The following DHRSX variants were observed in gnomAD, a reference collection of about 807,000 sequenced individuals.
The protein encoded by DHRSX is polyprenol dehydrogenase.
A neutral mutation model predicts 34.0 loss-of-function variants in DHRSX; 31 were observed. The ratio of observed to expected loss-of-function variants is 0.91; its 90% confidence interval spans 0.69 to 1.23. DHRSX has a LOEUF of 1.23. DHRSX is among the 50% of genes most tolerant of loss of function. DHRSX has a pLI of 0.00. For synonymous variants in DHRSX, 201 were observed against 183.8 expected, an observed-to-expected ratio of 1.09 and a Z score of -0.76; for missense variants, 414 against 428.1, an observed-to-expected ratio of 0.97 and a Z score of 0.29.
intron 3 of DHRSX, among the ~76,000 whole-genome samples, chrX:2,367,029 C>A (rs2043001697): frequency 6.6e-6 from 1 of 152,074 alleles, no homozygotes; most frequent in South Asian, 2.1e-4. Flanking sequence ...CGAACACCAG[C>A]CATTCCCCAG....
chrX:2,304,269 G>T (rs750476809), intron 3 of DHRSX, among the ~76,000 whole-genome samples: 2 of 81,904 alleles, frequency 2.4e-5, no homozygotes, highest in African/African-American at 5.3e-5. Context: ...GGGTGGGTGG[G>T]TGGATGGATG....
intron 3 of DHRSX, among the ~76,000 whole-genome samples, chrX:2,322,442 G>A (rs192510869): frequency 0.011 from 1,605 of 151,682 alleles, 30 homozygotes; most frequent in African/African-American, 0.038. Flanking sequence ...CCAGCTACTC[G>A]GGAGGCTGAG....
chrX:2,402,945 C>A (rs2043505685), intron 3 of DHRSX, among the ~76,000 whole-genome samples: 1 of 144,082 alleles, frequency 6.9e-6, no homozygotes, highest in South Asian at 2.2e-4. Flanking sequence ...TGCGGTGGCA[C>A]AATCTCAGCT....
At chrX:2,308,124 C>G (rs1203548087) in intron 3 of DHRSX, among the ~76,000 whole-genome samples, 1 of 152,068 alleles carries the variant, frequency 6.6e-6, no homozygotes, top group African/African-American at 2.4e-5. Flanking sequence ...TTAACGCACT[C>G]CTAGGAGCTA....
intron 1 of DHRSX, among the ~76,000 whole-genome samples, chrX:2,458,862 A>G (rs149256194): frequency 0.027 from 4,085 of 151,644 alleles, 85 homozygotes; most frequent in Admixed American, 0.051. Flanking sequence ...AAAATTAGCT[A>G]GATATGGTGG....
intron 1 of DHRSX, among the ~76,000 whole-genome samples, chrX:2,452,534 T>C (rs1359734032): frequency 2.0e-5 from 3 of 151,694 alleles, no homozygotes; most frequent in Non-Finnish European, 4.4e-5. Flanking sequence ...GTGAAGACGT[T>C]CCCGAAGAAT....
intron 1 of DHRSX, among the ~76,000 whole-genome samples, chrX:2,482,031 C>T (rs1194232500): frequency 6.6e-6 from 1 of 151,146 alleles, no homozygotes; most frequent in Admixed American, 6.6e-5. Context: ...GTGGCATGAT[C>T]GTAGTTTATG....
chrX:2,247,076 G>C (rs1419217883), intron 5 of DHRSX, among the ~76,000 whole-genome samples: 1 of 152,026 alleles, frequency 6.6e-6, no homozygotes, highest in Non-Finnish European at 1.5e-5. Flanking sequence ...AGCCTCCTGA[G>C]TAGCTGGGAT....
chrX:2,395,626 G>A (rs1191392099), intron 3 of DHRSX, among the ~76,000 whole-genome samples: 38 of 152,250 alleles, frequency 2.5e-4, no homozygotes, highest in Admixed American at 1.8e-3. Context: ...GGATGGGGGC[G>A]TGTCCACCTC....
intron 5 of DHRSX, among the ~76,000 whole-genome samples, chrX:2,257,121 A>G (rs1436060861): frequency 6.6e-6 from 1 of 151,980 alleles, no homozygotes; most frequent in African/African-American, 2.4e-5. Flanking sequence ...ACGCCCAGCT[A>G]ATTTTTGTAT....
intron 2 of DHRSX, among the ~76,000 whole-genome samples, chrX:2,418,006 T>C (rs192398771): frequency 6.6e-6 from 1 of 151,580 alleles, no homozygotes; most frequent in African/African-American, 2.4e-5. Flanking sequence ...TAGACCTCAA[T>C]GTGACCTAAC....
intron 3 of DHRSX, among the ~76,000 whole-genome samples, chrX:2,401,723 T>G (rs1275933099): frequency 6.6e-6 from 1 of 152,010 alleles, no homozygotes; most frequent in Admixed American, 6.6e-5. Flanking sequence ...TTTGGAGGAG[T>G]TTCGGTAAGT....
At chrX:2,374,866 G>A in intron 3 of DHRSX, among the ~76,000 whole-genome samples, 1 of 137,842 alleles carries the variant, frequency 7.3e-6, no homozygotes, top group Non-Finnish European at 1.7e-5. Flanking sequence ...GAGCCCTGGA[G>A]TTCAAGACCA....
intron 2 of DHRSX, 91 bp from the exon 3 acceptor site, chrX:2,408,904 T>C (rs2043592963): frequency 1.8e-6 from 2 of 1,126,858 alleles, no homozygotes; most frequent in Non-Finnish European, 2.5e-6. Flanking sequence ...TTAAGAGAAG[T>C]ATAACACAAA....
chrX:2,485,481 AGAGG>A (rs998765567), intron 1 of DHRSX, among the ~76,000 whole-genome samples: 35 of 142,308 alleles, frequency 2.5e-4, no homozygotes, highest in African/African-American at 7.9e-4. Flanking sequence ...AGGGAGGAAA[AGAGG>A]GAGGGAGGAA....
chrX:2,383,056 C>T (rs1347997364), intron 3 of DHRSX, among the ~76,000 whole-genome samples: 2 of 149,564 alleles, frequency 1.3e-5, no homozygotes, highest in Non-Finnish European at 3.0e-5. Context: ...ATCATCATCA[C>T]CACCATCACC....
At position 2,309,283 on chromosome X, in the gene DHRSX, G is replaced by C. The variant is rs147871310; in HGVS notation, c.287-17680C>G. Among the ~76,000 whole-genome samples, 1,132 of 152,218 alleles carry C rather than the reference G, an allele frequency of 7.4e-3. 10 individuals carry two copies. The highest frequency in any genetic ancestry group is 0.026 in the African/African-American group (1,066 of 41,530). ...CTGATACTGACTGGTTGGACAAAAA[G>C]AGTCTGAGGTGGTTTGTTTTGTGAA... On this transcript the variant is annotated intron_variant, in intron 3 of 6. Transcript: ENST00000334651.
chrX:2,386,717 T>C (rs2043276645), intron 3 of DHRSX, among the ~76,000 whole-genome samples: 1 of 152,212 alleles, frequency 6.6e-6, no homozygotes, highest in Non-Finnish European at 1.5e-5. Context: ...TAAATTACTT[T>C]TTTTGCATAA....
chrX:2,389,249 A>T (rs1029122348), intron 3 of DHRSX, among the ~76,000 whole-genome samples: 2 of 152,058 alleles, frequency 1.3e-5, no homozygotes, highest in Admixed American at 1.3e-4. Context: ...TCTCACCTGC[A>T]CCCAGGTGGG....
Sources: allele counts gnomAD v4.1 joint callset (sites outside exome capture counted in the v4.1 genomes callset), GRCh38; gene constraint gnomAD v4.1.1; transcripts MANE v1.5; gene names NCBI Gene and HGNC (gene_info 2026-07-23, HGNC 2026-07-21).